EPSTI1: variants seen among roughly 807,000 people sequenced by gnomAD.
The protein encoded by EPSTI1 is epithelial-stromal interaction protein 1.
EPSTI1 carries 66 observed loss-of-function variants against 49.9 expected under a neutral mutation model. The observed-to-expected ratio is 1.32, with a 90% CI of 1.08 to 1.62. The LOEUF is 1.62. Ranked by LOEUF, EPSTI1 falls within the 40% of genes most tolerant of loss-of-function variation. The pLI is 0.00. For synonymous variants in EPSTI1, 137 were observed against 130.7 expected, an observed-to-expected ratio of 1.05 and a Z score of -0.33; for missense variants, 394 against 365.5, an observed-to-expected ratio of 1.08 and a Z score of -0.64.
chr13:42,947,848 G>A lies in EPSTI1; in HGVS notation c.563+6100C>T, dbSNP rs561268196. On this transcript the variant is annotated intron_variant, in intron 6 of 10. Coordinates refer to ENST00000313624, the MANE Select transcript of EPSTI1 (RefSeq NM_033255.5). Reference sequence around the variant, plus strand: ...GTATGATAGATGGGAGATCAACCCCGCCTGGTGGCTTCTAGCAGTTTCATC... The same window carrying A: ...GTATGATAGATGGGAGATCAACCCCACCTGGTGGCTTCTAGCAGTTTCATC... Among the ~76,000 whole-genome samples the A allele has an allele frequency of 2.4e-4, 37 of 152,260 alleles. No homozygotes were observed. The South Asian group carries it at 3.7e-3, about 15-fold the overall frequency.
chr13:42,941,616 G>GAA (rs11383827), intron 6 of EPSTI1, among the ~76,000 whole-genome samples: 17,139 of 136,302 alleles, frequency 0.13, 1,295 homozygotes, highest in Non-Finnish European at 0.18. Context: ...CAAGACACTG[G>GAA]AAAAAAAAAA....
At chr13:42,959,583 T>G (rs1418605093) in intron 5 of EPSTI1, among the ~76,000 whole-genome samples, 1 of 152,196 alleles carries the variant, frequency 6.6e-6, no homozygotes, top group Non-Finnish European at 1.5e-5. Flanking sequence ...CATAACTTAT[T>G]TTCTACCAGT....
intron 1 of EPSTI1, among the ~76,000 whole-genome samples, chr13:42,989,441 G>T (rs1046632819): frequency 6.6e-6 from 1 of 151,978 alleles, no homozygotes; most frequent in Non-Finnish European, 1.5e-5. Context: ...CCCCACACTG[G>T]GGCTGCAGGA....
intron 1 of EPSTI1, among the ~76,000 whole-genome samples, chr13:42,984,536 A>G (rs11843683): frequency 0.48 from 73,499 of 151,828 alleles, 18,396 homozygotes; most frequent in South Asian, 0.6. Context: ...ATTGCAGAAA[A>G]TAGACACTAA....
chr13:42,969,438 T>C (rs1022857424), intron 2 of EPSTI1: 12 of 430,732 alleles, frequency 2.8e-5, no homozygotes, highest in African/African-American at 2.2e-4. Flanking sequence ...CTAAAAGAAG[T>C]ATAGATTTTC....
rs1165492561 is a variant in EPSTI1 at position 42,992,027 on chromosome 13, C to T, written c.139G>A (p.Ala47Thr). 1 of 1,613,370 alleles carries T rather than the reference C, an allele frequency of 6.2e-7. No individual in the cohort carries two copies. The highest frequency in any genetic ancestry group is 8.5e-7 in the Non-Finnish European group (1 of 1,180,040). ...CTCTCCCGCGAAGGGCCCTTAGGGG[C>T]TGCCTCCAAACCCTCTCTCTGGTCT... ...VEDQREGLEA[A>T]PKGPSRESVV... Residue 47 changes from alanine (A) to threonine (T), a missense_variant, in exon 1 of 11, where the codon GCC (alanine) becomes ACC (threonine). Physicochemically the swap from Ala to Thr is moderately conservative, Grantham distance 58 (BLOSUM62 0). Transcript: ENST00000313624.
At chr13:42,984,710 T>G (rs4942185) in intron 1 of EPSTI1, among the ~76,000 whole-genome samples, 1 of 152,056 alleles carries the variant, frequency 6.6e-6, no homozygotes, top group Non-Finnish European at 1.5e-5. Context: ...ACTGCTCTTA[T>G]CAAACCATCA....
intron 7 of EPSTI1, among the ~76,000 whole-genome samples, chr13:42,924,468 C>T (rs528051988): frequency 3.3e-5 from 5 of 152,188 alleles, no homozygotes; most frequent in African/African-American, 4.8e-5. Flanking sequence ...GAGCAGCACA[C>T]GCAGTTCTGC....
chr13:42,888,321 A>T lies in EPSTI1; in HGVS notation c.*173T>A. Reference sequence around the variant, plus strand: ...AGTTCAGGAATCAGCTCCTCCAAACATGCATAAATGAGGACAAGGAGAAGC... The same window carrying T: ...AGTTCAGGAATCAGCTCCTCCAAACTTGCATAAATGAGGACAAGGAGAAGC... On this transcript the variant is annotated 3_prime_UTR_variant, in exon 11 of 11. Coordinates refer to ENST00000313624, the MANE Select transcript of EPSTI1 (RefSeq NM_033255.5). 6.2e-7 allele frequency: 1 copy of T among 1,614,102 alleles called. No homozygotes were observed. Among genetic ancestry groups the T allele is most frequent in the Admixed American group, 1.7e-5 (1 of 60,028 alleles).
intron 8 of EPSTI1, among the ~76,000 whole-genome samples, chr13:42,902,921 A>G (rs1324881166): frequency 1.3e-5 from 2 of 152,250 alleles, no homozygotes; most frequent in African/African-American, 4.8e-5. Flanking sequence ...ACGGTGGCTC[A>G]TCATAAAGTA....
chr13:42,914,367 A>C (rs991182276), intron 8 of EPSTI1, among the ~76,000 whole-genome samples: 1 of 152,142 alleles, frequency 6.6e-6, no homozygotes, highest in Non-Finnish European at 1.5e-5. Context: ...TTGCCAATAG[A>C]ATGAATGAAT....
In EPSTI1 at chr13:42,923,589, G is replaced by A. The variant is rs538323503; in HGVS notation, c.657+2747C>T. ...ATAAATAAATAAATAAAAAATGGGG[G>A]CAGCAAACCAGAGACTAGAAACCAT... On this transcript the variant is annotated intron_variant, in intron 7 of 10. Coordinates refer to ENST00000313624, the MANE Select transcript of EPSTI1 (RefSeq NM_033255.5). 4.6e-5 allele frequency among the ~76,000 whole-genome samples: 7 copies of A among 152,172 alleles called. No homozygotes were observed. In the East Asian group the frequency reaches 7.7e-4, roughly 17 times the overall value.
chr13:42,959,801 G>A (rs1169630851), intron 5 of EPSTI1, among the ~76,000 whole-genome samples: 1 of 152,178 alleles, frequency 6.6e-6, no homozygotes, highest in Non-Finnish European at 1.5e-5. Flanking sequence ...ATCAAATGAA[G>A]TATAGTTGGT....
chr13:42,980,334 T>G (rs950837335), intron 1 of EPSTI1, among the ~76,000 whole-genome samples: 3 of 152,202 alleles, frequency 2.0e-5, no homozygotes, highest in Admixed American at 6.5e-5. Context: ...GGGCATTGTA[T>G]TAGTCCATTC....
intron 6 of EPSTI1, among the ~76,000 whole-genome samples, chr13:42,943,863 T>C (rs1157147541): frequency 6.6e-6 from 1 of 152,108 alleles, no homozygotes; most frequent in Non-Finnish European, 1.5e-5. Context: ...GCAAAGCATA[T>C]GAACAGACAC....
rs1413218158 is a variant in EPSTI1 at position 42,922,866 on chromosome 13, A to G, written c.657+3470T>C. ...GCCCCTCAGACATTAACGTGCACAC[A>G]CATCTTCCATGGACTGTATTAAATA... On this transcript the variant is annotated intron_variant, in intron 7 of 10. Transcript: ENST00000313624. This position sits in a 1 kb window ranked among gnomAD's most constrained non-coding sequence, Gnocchi z 4.8. Among the ~76,000 whole-genome samples the G allele has an allele frequency of 6.6e-6, 1 of 152,236 alleles. No individual in the cohort carries two copies. The highest frequency in any genetic ancestry group is 1.5e-5 in the Non-Finnish European group (1 of 68,046).
intron 3 of EPSTI1, 147 bp downstream of exon 3, chr13:42,968,947 C>A: frequency 1.4e-6 from 1 of 706,762 alleles, no homozygotes; most frequent in Non-Finnish European, 2.4e-6. Context: ...CACACACACA[C>A]ACACACAATT....
rs1012790871 is a variant in EPSTI1 at position 42,990,570 on chromosome 13, G to A, written c.188+1408C>T. ...GTTAAGTACTATAGCTTGTAGATAC[G>A]TGGGTTACTTGAAAGTAATTGGCTG... On this transcript the variant is annotated intron_variant, in intron 1 of 10. Coordinates refer to ENST00000313624, the MANE Select transcript of EPSTI1 (RefSeq NM_033255.5). 2.0e-5 allele frequency among the ~76,000 whole-genome samples: 3 copies of A among 152,294 alleles called. No homozygotes were observed. In the South Asian group the frequency reaches 6.2e-4, roughly 32 times the overall value.
At chr13:42,940,460 T>G (rs1381390440) in intron 6 of EPSTI1, among the ~76,000 whole-genome samples, 2 of 152,260 alleles carry the variant, frequency 1.3e-5, no homozygotes. Flanking sequence ...TGTCAGCTTG[T>G]CTATTTTCCA....
Sources: allele counts gnomAD v4.1 joint callset (sites outside exome capture counted in the v4.1 genomes callset), GRCh38; gene constraint gnomAD v4.1.1; non-coding constraint Gnocchi (gnomAD v3.1); transcripts MANE v1.5; gene names NCBI Gene and HGNC (gene_info 2026-07-23, HGNC 2026-07-21).